The following MARCHF4 variants were observed in gnomAD, a reference collection of about 807,000 sequenced individuals.
MARCHF4 encodes the protein E3 ubiquitin-protein ligase MARCHF4.
MARCHF4 carries 14 observed loss-of-function variants against 43.9 expected under a neutral mutation model. That is an observed-to-expected ratio of 0.32 (90% confidence interval 0.21 to 0.50). The LOEUF is 0.50. Ranked by LOEUF, MARCHF4 falls within the 20% of genes least tolerant of loss-of-function variation. MARCHF4 has a pLI of 0.98. For missense variants in MARCHF4, 468 were observed against 536.7 expected (o/e 0.87, Z 1.27); for synonymous variants, 226 against 213.3 (o/e 1.06, Z -0.52).
intron 1 of MARCHF4, among the ~76,000 whole-genome samples, chr2:216,289,237 G>T (rs2544067): frequency 0.029 from 3,862 of 131,732 alleles, 222 homozygotes; most frequent in African/African-American, 0.11. Context: ...TTCCCCACCC[G>T]CCCCCCACCC....
At chr2:216,350,152 C>T (rs1692378235) in intron 1 of MARCHF4, among the ~76,000 whole-genome samples, 1 of 151,018 alleles carries the variant, frequency 6.6e-6, no homozygotes, top group African/African-American at 2.4e-5. Flanking sequence ...ACCACCACGA[C>T]CATGCTATGC....
At position 216,289,644 on chromosome 2, in the gene MARCHF4, C is replaced by A. The variant is rs546492641; in HGVS notation, c.517-5915G>T. On this transcript the variant is annotated intron_variant, in intron 1 of 3. Coordinates refer to ENST00000273067, the MANE Select transcript of MARCHF4 (RefSeq NM_020814.3). ...AAGGTCTTGCTTCTGGAGTCCCTAG[C>A]TTACCTGGTTGCCATGGTAGTGACA... Among the ~76,000 whole-genome samples the A allele has an allele frequency of 7.9e-5, 12 of 152,342 alleles. No homozygotes were observed. In the South Asian group the frequency reaches 2.5e-3, roughly 32 times the overall value.
At chr2:216,268,057 C>T (rs1019910235) in intron 3 of MARCHF4, among the ~76,000 whole-genome samples, 10 of 152,184 alleles carry the variant, frequency 6.6e-5, no homozygotes, top group Non-Finnish European at 1.0e-4. Flanking sequence ...GGATGGGCAT[C>T]ATCTCGCCAG....
At chr2:216,324,715 C>A in intron 1 of MARCHF4, among the ~76,000 whole-genome samples, 1 of 143,548 alleles carries the variant, frequency 7.0e-6, no homozygotes. Flanking sequence ...AGACAAAAAC[C>A]ACATGATTAT....
chr2:216,350,989 T>C (rs1330343303), intron 1 of MARCHF4, among the ~76,000 whole-genome samples: 1 of 152,142 alleles, frequency 6.6e-6, no homozygotes, highest in African/African-American at 2.4e-5. Context: ...ACCCCAGTCT[T>C]ACAACAAACA....
intron 1 of MARCHF4, among the ~76,000 whole-genome samples, chr2:216,322,433 G>C (rs982216998): frequency 6.6e-6 from 1 of 152,230 alleles, no homozygotes; most frequent in Non-Finnish European, 1.5e-5. Flanking sequence ...CAGGGGACCT[G>C]TGAACCTCCT....
chr2:216,318,808 A>G (rs935643749), intron 1 of MARCHF4, among the ~76,000 whole-genome samples: 11 of 152,160 alleles, frequency 7.2e-5, no homozygotes, highest in Non-Finnish European at 1.5e-5. Context: ...CTCACCCCCA[A>G]ACTTTAATGA....
intron 1 of MARCHF4, among the ~76,000 whole-genome samples, chr2:216,347,885 A>G (rs1333553586): frequency 1.6e-4 from 24 of 151,614 alleles, no homozygotes; most frequent in Non-Finnish European, 4.4e-5. Flanking sequence ...AAAAGTTGCA[A>G]AAATACAGTT....
chr2:216,301,692 A>C (rs887194666), intron 1 of MARCHF4, among the ~76,000 whole-genome samples: 1 of 152,242 alleles, frequency 6.6e-6, no homozygotes, highest in Non-Finnish European at 1.5e-5. Flanking sequence ...ATGACATGTG[A>C]AGGTCAATAG....
chr2:216,281,749 C>G (rs770225807), intron 2 of MARCHF4, among the ~76,000 whole-genome samples: 1 of 152,086 alleles, frequency 6.6e-6, no homozygotes, highest in Non-Finnish European at 1.5e-5. Context: ...CCAGGAGCAA[C>G]AGAATCAGAG....
At chr2:216,303,937 T>A (rs919247124) in intron 1 of MARCHF4, among the ~76,000 whole-genome samples, 1 of 152,132 alleles carries the variant, frequency 6.6e-6, no homozygotes, top group Non-Finnish European at 1.5e-5. Context: ...GCACACTTCA[T>A]GGGCAGGTCA....
At chr2:216,334,069 T>C (rs931937198) in intron 1 of MARCHF4, among the ~76,000 whole-genome samples, 1 of 152,072 alleles carries the variant, frequency 6.6e-6, no homozygotes, top group Non-Finnish European at 1.5e-5. Flanking sequence ...GTGAATATGT[T>C]ACACTGCATG....
chr2:216,307,933 A>G (rs1280472288), intron 1 of MARCHF4, among the ~76,000 whole-genome samples: 1 of 152,164 alleles, frequency 6.6e-6, no homozygotes, highest in Non-Finnish European at 1.5e-5. Flanking sequence ...GCATGCATCT[A>G]TAGTCCCAGC....
intron 1 of MARCHF4, among the ~76,000 whole-genome samples, chr2:216,367,297 CTCTT>C (rs1482023595): frequency 1.3e-5 from 2 of 152,102 alleles, no homozygotes; most frequent in South Asian, 2.1e-4. Context: ...GTGTCTCTCT[CTCTT>C]TCTCTCTCCC....
chr2:216,355,772 A>G (rs1692492882), intron 1 of MARCHF4, among the ~76,000 whole-genome samples: 1 of 152,248 alleles, frequency 6.6e-6, no homozygotes, highest in South Asian at 2.1e-4. Flanking sequence ...CCTGGAACAA[A>G]GATGCACAAA....
intron 1 of MARCHF4, among the ~76,000 whole-genome samples, chr2:216,308,485 A>G (rs1386528420): frequency 1.3e-5 from 2 of 152,242 alleles, no homozygotes; most frequent in Non-Finnish European, 2.9e-5. Flanking sequence ...TGTTTCCTGT[A>G]TCACCCACGC....
intron 1 of MARCHF4, among the ~76,000 whole-genome samples, chr2:216,316,472 A>G (rs1324624279): frequency 6.6e-6 from 1 of 152,182 alleles, no homozygotes; most frequent in Admixed American, 6.5e-5. Context: ...ATGAAAGGCA[A>G]ATTTCTAGAA....
intron 1 of MARCHF4, among the ~76,000 whole-genome samples, chr2:216,306,059 T>C (rs1162820540): frequency 6.6e-6 from 1 of 152,186 alleles, no homozygotes; most frequent in Non-Finnish European, 1.5e-5. Flanking sequence ...ATCATCATTG[T>C]AGAGACTGTC....
At chr2:216,326,517 T>C (rs1559100316) in intron 1 of MARCHF4, among the ~76,000 whole-genome samples, 1 of 151,406 alleles carries the variant, frequency 6.6e-6, no homozygotes, top group Non-Finnish European at 1.5e-5. Flanking sequence ...CACACGTATG[T>C]TTATTGCGGC....
Sources: allele counts gnomAD v4.1 joint callset (sites outside exome capture counted in the v4.1 genomes callset), GRCh38; gene constraint gnomAD v4.1.1; transcripts MANE v1.5; gene names NCBI Gene and HGNC (gene_info 2026-07-23, HGNC 2026-07-21).